SGO2: variants seen among roughly 807,000 people sequenced by gnomAD.
SGO2 encodes shugoshin 2, also known as shugoshin-like 2.
Under a neutral mutation model 99.5 loss-of-function variants are expected in SGO2, and 68 were observed. That is an observed-to-expected ratio of 0.68 (90% CI 0.56 to 0.84). SGO2 has a LOEUF of 0.84. Among genes scored for constraint, SGO2 ranks in the 40% least tolerant of loss-of-function variants. The pLI is 0.00. For missense variants in SGO2, 1,350 were observed against 1,436.7 expected, an observed-to-expected ratio of 0.94 and a Z score of 0.97; for synonymous variants, 457 against 487.1, an observed-to-expected ratio of 0.94 and a Z score of 0.81.
chr2:200,558,607 T>C (rs1193272944), intron 5 of SGO2, among the ~76,000 whole-genome samples: 2 of 152,086 alleles, frequency 1.3e-5, no homozygotes, highest in East Asian at 3.8e-4. Flanking sequence ...ATGAAAATGA[T>C]GTATAATTTT....
Position 200,572,603 on chromosome 2 carries a change from A to G in SGO2, c.2257A>G (p.Ile753Val), listed in dbSNP as rs2033478737. The G allele has an allele frequency of 6.2e-7, 1 of 1,613,256 alleles. No homozygotes were observed. Among genetic ancestry groups the G allele is most frequent in the Non-Finnish European group, 8.5e-7 (1 of 1,179,462 alleles). The change falls in exon 7 of 9, where the codon ATC becomes GTC. Residue 753 changes from isoleucine (I) to valine (V), a missense_variant. Coordinates refer to ENST00000357799, the MANE Select transcript of SGO2 (RefSeq NM_152524.6). Reference sequence around the variant, plus strand: ...CTTTTTAACGCAAAAAGATAAGGAAATCATCCCTGGAAACCTAGAAGACCC... The same window carrying G: ...CTTTTTAACGCAAAAAGATAAGGAAGTCATCCCTGGAAACCTAGAAGACCC... ...SLFLTQKDKEIIPGNLEDPSE... is the reference protein window; with the variant it reads ...SLFLTQKDKEVIPGNLEDPSE...
At chr2:200,536,962 A>G (rs556603881) in intron 4 of SGO2, among the ~76,000 whole-genome samples, 1 of 152,218 alleles carries the variant, frequency 6.6e-6, no homozygotes, top group Non-Finnish European at 1.5e-5. Context: ...TTATATAAAA[A>G]CAAACAAACA....
At position 200,571,061 on chromosome 2, in the gene SGO2, C is replaced by T; in HGVS notation, c.715C>T (p.His239Tyr). Residue 239 changes from histidine (H) to tyrosine (Y), a missense_variant, in exon 7 of 9, where the codon CAC (histidine) becomes TAC (tyrosine). Transcript: ENST00000357799. ...CCTTTTCTTAATAGAAAGCCATTCC[C>T]ACTCAGACCAAAGTTCTAAGACTTC... ...VDVPPRESHSHSDQSSKTSLM... is the reference protein window; with the variant it reads ...VDVPPRESHSYSDQSSKTSLM... 6.4e-7 allele frequency: 1 copy of T among 1,567,886 alleles called. No individual in the cohort carries two copies. The highest frequency in any genetic ancestry group is 8.6e-7 in the Non-Finnish European group (1 of 1,159,532).
chr2:200,541,154 C>T (rs1278844203), intron 4 of SGO2, among the ~76,000 whole-genome samples: 1 of 152,202 alleles, frequency 6.6e-6, no homozygotes, highest in Non-Finnish European at 1.5e-5. Context: ...CTTAAAGGTC[C>T]TGCCTCTTAA....
Position 200,573,674 on chromosome 2 carries a change from T to C in SGO2, c.3328T>C (p.Ser1110Pro), listed in dbSNP as rs780649375. ...LDSVQGKSTV[S>P]EQADKENNLE... ...CAGCGTTCAGGGAAAGTCTACTGTA[T>C]CTGAACAAGCTGATAAGGAAAACAA... Residue 1110 changes from serine (S) to proline (P), a missense_variant, in exon 7 of 9, where the codon TCT becomes CCT. By Grantham distance (74) the Ser-to-Pro change is moderately conservative. Coordinates refer to ENST00000357799, the MANE Select transcript of SGO2 (RefSeq NM_152524.6). 1.2e-6 allele frequency: 2 copies of C among 1,613,380 alleles called. No individual in the cohort carries two copies. The highest frequency in any genetic ancestry group is 1.7e-6 in the Non-Finnish European group (2 of 1,179,550).
intron 4 of SGO2, among the ~76,000 whole-genome samples, chr2:200,541,693 C>T (rs545660950): frequency 1.6e-4 from 25 of 152,212 alleles, no homozygotes; most frequent in Admixed American, 1.0e-3. Context: ...CATTGTTGGG[C>T]GGGGATGTGC....
At chr2:200,581,022 T>G (rs1268823389) in intron 8 of SGO2, among the ~76,000 whole-genome samples, 1 of 152,172 alleles carries the variant, frequency 6.6e-6, no homozygotes, top group Non-Finnish European at 1.5e-5. Context: ...AGATGAACCT[T>G]TCTGGTTTTT....
chr2:200,536,000 G>A (rs1286081906), intron 3 of SGO2, 65 bp from the exon 4 acceptor site: 2 of 1,022,584 alleles, frequency 2.0e-6, no homozygotes, highest in African/African-American at 3.2e-5. Context: ...ATTCATAAAT[G>A]CCTGATATTA....
At chr2:200,578,849 C>A (rs2033748948) in intron 8 of SGO2, among the ~76,000 whole-genome samples, 1 of 152,146 alleles carries the variant, frequency 6.6e-6, no homozygotes, top group Admixed American at 6.5e-5. Context: ...GTTTCCCTCA[C>A]TGTTCTTGAA....
In SGO2 at chr2:200,569,839, A is replaced by G. The variant is rs1382387778; in HGVS notation, c.650A>G (p.Tyr217Cys). ...CTTAAAGAAAATAATCAAAATGTAT[A>G]TGGTTTAGATGATTCAGAACATATT... ...LFLKENNQNV[Y>C]GLDDSEHISS... The change falls in exon 6 of 9, where the codon TAT becomes TGT. Residue 217 changes from tyrosine to cysteine, a missense_variant. Physicochemically the swap from Tyr to Cys is radical, Grantham distance 194 (BLOSUM62 -2). Transcript: ENST00000357799. 1.2e-6 allele frequency: 2 copies of G among 1,603,796 alleles called. No homozygotes were observed. Among genetic ancestry groups the G allele is most frequent in the Non-Finnish European group, 1.7e-6 (2 of 1,170,820 alleles).
In SGO2 at chr2:200,526,225, G is replaced by A. The variant is rs555313956; in HGVS notation, c.-30G>A. ...GCTGCTCGCCGAGCTCCCGGAGCTG[G>A]GTGGGGGTGCCCCACGCTGAAAGAG... is the stretch of plus-strand genomic sequence containing the variant. On this transcript the variant is annotated 5_prime_UTR_variant, in exon 1 of 9. Coordinates refer to ENST00000357799, the MANE Select transcript of SGO2 (RefSeq NM_152524.6). This position sits in a 1 kb window ranked among gnomAD's most constrained non-coding sequence, Gnocchi z 4.8. 55 of 152,586 alleles carry A rather than the reference G, an allele frequency of 3.6e-4. No homozygotes were observed. The highest frequency in any genetic ancestry group is 1.2e-3 in the African/African-American group (48 of 41,600). The allele number at this position is 152,586 out of a possible 1,614,324, so 9.5% of individuals were successfully genotyped here. A position where few individuals can be genotyped will look rare whatever the true frequency, so the allele number is the denominator to read the frequency against.
At chr2:200,535,920 G>A in intron 3 of SGO2, 145 bp from the exon 4 acceptor site, 1 of 452,624 alleles carries the variant, frequency 2.2e-6, no homozygotes, top group Non-Finnish European at 4.1e-6. Context: ...TACCATTTTA[G>A]CTGAATGTGA....
chr2:200,579,864 G>A lies in SGO2; in HGVS notation c.3783-3585G>A, dbSNP rs931033869. 3.3e-5 allele frequency among the ~76,000 whole-genome samples: 5 copies of A among 152,124 alleles called. No homozygotes were observed. In the South Asian group the frequency reaches 1.0e-3, roughly 32 times the overall value. Reference sequence around the variant, plus strand: ...ATCTGGCCTAGGTATCATATTAAGGGAATCAAGAAAGTCACCATCTTGGTT... The same window carrying A: ...ATCTGGCCTAGGTATCATATTAAGGAAATCAAGAAAGTCACCATCTTGGTT... On this transcript the variant is annotated intron_variant, in intron 8 of 8. Transcript: ENST00000357799.
chr2:200,574,501 C>T lies in SGO2; in HGVS notation c.3631+524C>T, dbSNP rs190255105. ...AAACATCATGGTGAAATGGAATAAA[C>T]GATTCTTTAAGCACATGTATTATGC... is the stretch of plus-strand genomic sequence containing the variant. On this transcript the variant is annotated intron_variant, in intron 7 of 8. Coordinates refer to ENST00000357799, the MANE Select transcript of SGO2 (RefSeq NM_152524.6). 3.3e-3 allele frequency among the ~76,000 whole-genome samples: 500 copies of T among 152,062 alleles called. 3 individuals carry two copies. The highest frequency in any genetic ancestry group is 0.011 in the African/African-American group (464 of 41,518).
intron 3 of SGO2, among the ~76,000 whole-genome samples, chr2:200,535,458 TAA>T (rs2031648664): frequency 6.6e-6 from 1 of 152,190 alleles, no homozygotes; most frequent in Non-Finnish European, 1.5e-5. Context: ...AATACATTTT[TAA>T]AAGATGGTCA....
chr2:200,530,835 G>A (rs936550754), intron 1 of SGO2, among the ~76,000 whole-genome samples: 4 of 152,154 alleles, frequency 2.6e-5, no homozygotes, highest in African/African-American at 9.6e-5. Flanking sequence ...CAGAGATCTT[G>A]GAAAAAAGCA....
intron 5 of SGO2, among the ~76,000 whole-genome samples, chr2:200,560,043 A>C (rs920897200): frequency 2.6e-5 from 4 of 152,170 alleles, no homozygotes; most frequent in African/African-American, 9.7e-5. Context: ...TATGTATGGC[A>C]GCTGTGTCTA....
chr2:200,548,321 T>G (rs2032329159), intron 5 of SGO2, among the ~76,000 whole-genome samples: 2 of 152,010 alleles, frequency 1.3e-5, no homozygotes, highest in Admixed American at 1.3e-4. Flanking sequence ...AGAGGAACTT[T>G]GGAAAATACA....
In SGO2 at chr2:200,570,478, ATGTGTGTGTGTGTGTGTG is replaced by A. The variant is rs71022323; in HGVS notation, c.704-557_704-540del. Reference sequence around the variant, plus strand: ...TTAGAATTGTTTTTCCTTTCTGAAAATGTGTGTGTGTGTGTGTGTGTGTGTGTGTGTGGGCATATGTAT... The same window carrying A: ...TTAGAATTGTTTTTCCTTTCTGAAAATGTGTGTGTGTGTGGGCATATGTAT... On this transcript the variant is annotated intron_variant, in intron 6 of 8. Coordinates refer to ENST00000357799, the MANE Select transcript of SGO2 (RefSeq NM_152524.6). This position sits in a 1 kb window ranked among gnomAD's most constrained non-coding sequence, Gnocchi z 4.4. 7.0e-6 allele frequency among the ~76,000 whole-genome samples: 1 copy of A among 142,760 alleles called. No individual in the cohort carries two copies. The highest frequency in any genetic ancestry group is 1.5e-5 in the Non-Finnish European group (1 of 65,512). The allele number at this position is 142,760 out of a possible 152,430, so 93.7% of individuals were successfully genotyped here.
Sources: allele counts gnomAD v4.1 joint callset (sites outside exome capture counted in the v4.1 genomes callset), GRCh38; gene constraint gnomAD v4.1.1; non-coding constraint Gnocchi (gnomAD v3.1); transcripts MANE v1.5; gene names NCBI Gene and HGNC (gene_info 2026-07-23, HGNC 2026-07-21).